IL21R: variants seen among roughly 807,000 people sequenced by gnomAD.
IL21R encodes interleukin-21 receptor.
Under a neutral mutation model 41.3 loss-of-function variants are expected in IL21R, and 14 were observed. The observed-to-expected ratio is 0.34, with a 90% CI of 0.22 to 0.53. IL21R has a LOEUF of 0.53. IL21R is among the 20% of genes least tolerant of loss of function. The pLI is 0.94. For missense variants in IL21R, 588 were observed against 681.6 expected (o/e 0.86, Z 1.53); for synonymous variants, 286 against 287.6 (o/e 0.99, Z 0.05).
At chr16:27,424,973 C>T (rs1050353718) in intron 1 of IL21R, among the ~76,000 whole-genome samples, 1 of 152,108 alleles carries the variant, frequency 6.6e-6, no homozygotes, top group African/African-American at 2.4e-5. Context: ...GGAGGCGCCA[C>T]GCACTTCTGA....
In IL21R at chr16:27,437,360, C is replaced by G; in HGVS notation, c.153-128C>G. ...GGTTGGTTGGACCAGGTGACCACCC[C>G]CCAGCCCTGCCTCAAATCCCTCCCA... On this transcript the variant is annotated intron_variant, in intron 3 of 8. Coordinates refer to ENST00000337929, the MANE Select transcript of IL21R (RefSeq NM_181078.3). The G allele has an allele frequency of 4.0e-6, 3 of 740,906 alleles. No homozygotes were observed. The East Asian group carries it at 8.0e-5, about 20-fold the overall frequency. The allele number at this position is 740,906 out of a possible 1,614,324, so 45.9% of individuals were successfully genotyped here.
chr16:27,445,286 G>T lies in IL21R; in HGVS notation c.785+10G>T. On this transcript the variant is annotated intron_variant, in intron 7 of 8. Coordinates refer to ENST00000337929, the MANE Select transcript of IL21R (RefSeq NM_181078.3). ...CCCATCCATTGTGGAGGTGAGGCCA[G>T]GGGATGAGGAAGGCAGGGAGGTGGT... is the stretch of plus-strand genomic sequence containing the variant. 6.3e-7 allele frequency: 1 copy of T among 1,597,748 alleles called. No homozygotes were observed. The highest frequency in any genetic ancestry group is 8.6e-7 in the Non-Finnish European group (1 of 1,165,328).
At chr16:27,443,337 G>A (rs1053867909) in intron 5 of IL21R, among the ~76,000 whole-genome samples, 4 of 152,126 alleles carry the variant, frequency 2.6e-5, no homozygotes, top group East Asian at 1.9e-4. Flanking sequence ...TGGTCTCCTC[G>A]GCGGTCAGCA....
chr16:27,404,195 C>G (rs573829092), intron 1 of IL21R, among the ~76,000 whole-genome samples: 5 of 152,224 alleles, frequency 3.3e-5, no homozygotes, highest in Admixed American at 3.3e-4. Context: ...CCTGTCCTGC[C>G]CGCTCCTCTG....
chr16:27,444,616 G>T lies in IL21R; in HGVS notation c.582G>T (p.Ser194=). 4 of 1,587,056 alleles carry T rather than the reference G, an allele frequency of 2.5e-6. No individual in the cohort carries two copies. The South Asian group carries it at 4.6e-5, about 18-fold the overall frequency. Residue 194 remains serine (S), a synonymous_variant, in exon 6 of 9, where the codon TCG becomes TCT. Coordinates refer to ENST00000337929, the MANE Select transcript of IL21R (RefSeq NM_181078.3). The stretch of plus-strand genomic sequence containing the variant: ...TCCCCCTGGAGTTCCGCAAAGACTC[G>T]AGCTATGAGCTGCAGGTGCGGGCAG... ...SLLPLEFRKD[S]SYELQVRAGP...
chr16:27,444,726 G>T lies in IL21R; in HGVS notation c.685+7G>T, dbSNP rs1567372368. On this transcript the variant is annotated splice_region_variant and intron_variant, in intron 6 of 8. Coordinates refer to ENST00000337929, the MANE Select transcript of IL21R (RefSeq NM_181078.3). ...TTTCAGACCCAGTCAGAGGGTAGGT[G>T]TGAAGCTGGGATGGACACCCCACTC... is the stretch of plus-strand genomic sequence containing the variant. 1 of 1,482,428 alleles carries T rather than the reference G, an allele frequency of 6.7e-7. No homozygotes were observed. Among genetic ancestry groups the T allele is most frequent in the Non-Finnish European group, 9.0e-7 (1 of 1,114,922 alleles). 91.8% of individuals were successfully genotyped at this position (1,482,428 alleles called of 1,614,324 possible). A position where few individuals can be genotyped will look rare whatever the true frequency, so the allele number is the denominator to read the frequency against.
chr16:27,419,244 C>T (rs901226689), intron 1 of IL21R, among the ~76,000 whole-genome samples: 1 of 152,092 alleles, frequency 6.6e-6, no homozygotes, highest in Non-Finnish European at 1.5e-5. Flanking sequence ...AAGACACAGG[C>T]AGACACATTA....
chr16:27,440,419 G>T (rs1449118314), intron 4 of IL21R, among the ~76,000 whole-genome samples: 1 of 151,728 alleles, frequency 6.6e-6, no homozygotes, highest in Admixed American at 6.6e-5. Context: ...GACTACAGGT[G>T]CACATCACCA....
In IL21R at chr16:27,448,762, G is replaced by A; in HGVS notation, c.1096G>A (p.Glu366Lys). The A allele has an allele frequency of 6.2e-7, 1 of 1,613,662 alleles. No individual in the cohort carries two copies. The highest frequency in any genetic ancestry group is 2.2e-5 in the East Asian group (1 of 44,892). ...QNSGGSAYSE[E>K]RDRPYGLVSI... ...CTCGGGGGGCTCAGCTTACAGTGAG[G>A]AGAGGGATCGGCCATACGGCCTGGT... is the stretch of plus-strand genomic sequence containing the variant. The change falls in exon 9 of 9, where the codon GAG (glutamate) becomes AAG (lysine). Residue 366 changes from glutamate (E) to lysine (K), a missense_variant. Transcript: ENST00000337929.
chr16:27,445,591 AGG>A, intron 7 of IL21R, among the ~76,000 whole-genome samples: 1 of 152,316 alleles, frequency 6.6e-6, no homozygotes, highest in African/African-American at 2.4e-5. Context: ...GCCCTTAAAC[AGG>A]GACCTCAGCT....
At chr16:27,433,879 T>C (rs2087218462) in intron 2 of IL21R, among the ~76,000 whole-genome samples, 1 of 152,146 alleles carries the variant, frequency 6.6e-6, no homozygotes, top group African/African-American at 2.4e-5. Flanking sequence ...CTCTTCCTTG[T>C]CAGGGTTTTG....
At chr16:27,445,084 C>A (rs916142757) in intron 6 of IL21R, 93 bp from the exon 7 acceptor site, 2 of 840,146 alleles carry the variant, frequency 2.4e-6, no homozygotes, top group African/African-American at 3.3e-5. Flanking sequence ...TACCCTCTTC[C>A]ACTCTACCCC....
intron 8 of IL21R, 59 bp downstream of exon 8, chr16:27,446,147 A>G (rs1048301322): frequency 2.2e-6 from 3 of 1,371,832 alleles, no homozygotes; most frequent in Non-Finnish European, 3.1e-6. Context: ...CAGGAGCCCC[A>G]CCTCCCCTCA....
At chr16:27,414,023 TA>T (rs2141263786) in intron 1 of IL21R, among the ~76,000 whole-genome samples, 1 of 152,200 alleles carries the variant, frequency 6.6e-6, no homozygotes, top group South Asian at 2.1e-4. Context: ...CATAGTTTTC[TA>T]ATCTTTATAA....
intron 7 of IL21R, 135 bp downstream of exon 7, chr16:27,445,411 C>G (rs2087459848): frequency 1.5e-6 from 1 of 668,126 alleles, no homozygotes; most frequent in Non-Finnish European, 2.7e-6. Flanking sequence ...CAACTCACAG[C>G]CACCATGTGC....
rs890139729 is a variant in IL21R, at chr16:27,405,033, T to G, written c.-17+2415T>G. 4.1e-3 allele frequency among the ~76,000 whole-genome samples: 619 copies of G among 151,776 alleles called. 3 individuals are homozygous for G. The highest frequency in any genetic ancestry group is 6.0e-3 in the Non-Finnish European group (409 of 67,984). The stretch of plus-strand genomic sequence containing the variant: ...CCCGCTATCATGTTTTACTTTTTTT[T>G]TTTTTTAATTTTTTTTTGAGACAGA... On this transcript the variant is annotated intron_variant, in intron 1 of 8. Coordinates refer to ENST00000337929, the MANE Select transcript of IL21R (RefSeq NM_181078.3).
chr16:27,429,010 G>A (rs1186482849), intron 1 of IL21R, among the ~76,000 whole-genome samples: 1 of 151,928 alleles, frequency 6.6e-6, no homozygotes, highest in African/African-American at 2.4e-5. Flanking sequence ...GATCACCTGT[G>A]GCCAGGAGTT....
intron 1 of IL21R, among the ~76,000 whole-genome samples, chr16:27,404,761 A>G (rs2086712170): frequency 6.6e-6 from 1 of 152,234 alleles, no homozygotes. Context: ...TCCACCGCTT[A>G]GTACCTGTGT....
At chr16:27,442,771 G>A in intron 4 of IL21R, 191 bp from the exon 5 acceptor site, 1 of 502,194 alleles carries the variant, frequency 2.0e-6, no homozygotes, top group Non-Finnish European at 3.5e-6. Context: ...GGTCCCAGAT[G>A]AATAAACTGA....
Sources: allele counts gnomAD v4.1 joint callset (sites outside exome capture counted in the v4.1 genomes callset), GRCh38; gene constraint gnomAD v4.1.1; transcripts MANE v1.5; gene names NCBI Gene and HGNC (gene_info 2026-07-23, HGNC 2026-07-21).